IL7: variants seen among roughly 807,000 people sequenced by gnomAD.
IL7 encodes the protein interleukin 7.
Under a neutral mutation model 21.6 loss-of-function variants are expected in IL7, and 3 were observed. That is an observed-to-expected ratio of 0.14 (90% CI 0.06 to 0.36). The LOEUF (loss-of-function observed/expected upper bound fraction) is 0.36. IL7 is among the 10% of genes least tolerant of loss of function. IL7 has a pLI of 1.00. For missense variants in IL7, 175 were observed against 200.2 expected (o/e 0.87, Z 0.76); for synonymous variants, 62 against 68.1 (o/e 0.91, Z 0.44).
intron 3 of IL7, chr8:78,689,245 C>A (rs779257641): frequency 1.3e-6 from 2 of 1,585,884 alleles, no homozygotes; most frequent in Admixed American, 3.5e-5. Context: ...TCCATATTGT[C>A]AGAGGAGATT....
chr8:78,777,755 G>A lies in IL7; in HGVS notation c.147+20317C>T, dbSNP rs7008761. 7.1e-3 allele frequency among the ~76,000 whole-genome samples: 1,082 copies of A among 152,114 alleles called. 13 individuals are homozygous for A. Among genetic ancestry groups the A allele is most frequent in the African/African-American group, 0.025 (1,023 of 41,538 alleles). On this transcript the variant is annotated intron_variant, in intron 2 of 5. Coordinates refer to ENST00000263851, the MANE Select transcript of IL7 (RefSeq NM_000880.4). ...TGCCATACTCAACAGTGCCAACTACGAATGCTGAAATAACCTATCTTTCTG... is the reference window on the plus strand; with the variant it reads ...TGCCATACTCAACAGTGCCAACTACAAATGCTGAAATAACCTATCTTTCTG...
chr8:78,675,343 A>T (rs1464534555), downstream of IL7, among the ~76,000 whole-genome samples: 1 of 151,994 alleles, frequency 6.6e-6, no homozygotes, highest in African/African-American at 2.4e-5. Context: ...TAAACAGAGT[A>T]AGATTCGTTT....
downstream of IL7, among the ~76,000 whole-genome samples, chr8:78,730,265 A>G (rs1811401360): frequency 6.6e-6 from 1 of 152,016 alleles, no homozygotes; most frequent in Non-Finnish European, 1.5e-5. Flanking sequence ...TATTCCCAAT[A>G]CAAAACGATG....
chr8:78,745,975 C>G (rs1811964949), intron 2 of IL7, among the ~76,000 whole-genome samples: 1 of 152,122 alleles, frequency 6.6e-6, no homozygotes, highest in Non-Finnish European at 1.5e-5. Context: ...TCCTGCTTTT[C>G]TCTTAGAAGG....
intron 2 of IL7, among the ~76,000 whole-genome samples, chr8:78,751,289 G>A (rs1454484874): frequency 1.3e-5 from 2 of 152,084 alleles, no homozygotes; most frequent in Non-Finnish European, 2.9e-5. Context: ...GCAAAGATAA[G>A]AATTACATCC....
At chr8:78,704,276 T>C (rs1257103357) in intron 3 of IL7, among the ~76,000 whole-genome samples, 1 of 150,674 alleles carries the variant, frequency 6.6e-6, no homozygotes, top group Admixed American at 6.6e-5. Context: ...TAGTCCCAGC[T>C]ACTTGGGAGG....
chr8:78,800,710 C>A (rs951917746), intron 1 of IL7, among the ~76,000 whole-genome samples: 2 of 152,152 alleles, frequency 1.3e-5, no homozygotes, highest in Non-Finnish European at 2.9e-5. Flanking sequence ...TGTATGAAAT[C>A]ATACTTTTTA....
chr8:78,700,560 T>C lies in IL7; in HGVS notation n.215-14613A>G, dbSNP rs377428746. Among the ~76,000 whole-genome samples the C allele has an allele frequency of 6.6e-5, 10 of 152,330 alleles. No individual in the cohort carries two copies. The South Asian group carries it at 2.1e-3, about 32-fold the overall frequency. Reference sequence around the variant, plus strand: ...TTTTGTTGCAATTGCTTTTGGCATCTTCATTATAAAATCTTTGCTGCTGCC... The same window carrying C: ...TTTTGTTGCAATTGCTTTTGGCATCCTCATTATAAAATCTTTGCTGCTGCC... On this transcript the variant is annotated intron_variant and non_coding_transcript_variant, in intron 3 of 4. Transcript: ENST00000523959.
downstream of IL7, among the ~76,000 whole-genome samples, chr8:78,715,798 G>A (rs968161507): frequency 6.6e-6 from 1 of 152,102 alleles, no homozygotes; most frequent in Non-Finnish European, 1.5e-5. Context: ...CCAGCACTTT[G>A]AGAGGCTGAG....
At chr8:78,704,319 C>G (rs1008713834) in intron 3 of IL7, among the ~76,000 whole-genome samples, 1 of 145,046 alleles carries the variant, frequency 6.9e-6, no homozygotes, top group Non-Finnish European at 1.5e-5. Context: ...ACCCAGGAGG[C>G]AGAGGTTGCA....
chr8:78,799,102 T>C (rs1223637679), intron 1 of IL7, among the ~76,000 whole-genome samples: 2 of 152,158 alleles, frequency 1.3e-5, no homozygotes, highest in African/African-American at 2.4e-5. Context: ...CCTGCCATAG[T>C]GTCTTATTTG....
chr8:78,692,068 A>G (rs1370743782), intron 3 of IL7, among the ~76,000 whole-genome samples: 1 of 152,148 alleles, frequency 6.6e-6, no homozygotes, highest in Non-Finnish European at 1.5e-5. Flanking sequence ...TCTCTTTGCA[A>G]TTTTGAAAGG....
At position 78,679,135 on chromosome 8, in the gene IL7, G is replaced by A. The variant is rs775140685; in HGVS notation, n.274-3031C>T. The A allele has an allele frequency of 3.3e-5, 5 of 152,246 alleles. 1 individual carries two copies. Among genetic ancestry groups the A allele is most frequent in the Admixed American group, 3.3e-4 (5 of 15,274 alleles). The allele number at this position is 152,246 out of a possible 1,614,324, so 9.4% of individuals were successfully genotyped here. A position where few individuals can be genotyped will look rare whatever the true frequency, so the allele number is the denominator to read the frequency against. ...CTTATTTTGACATATTGACTGCCAG[G>A]ATTTGTAATCTATATTATGTTTCTA... On this transcript the variant is annotated intron_variant and non_coding_transcript_variant, in intron 4 of 4. Transcript: ENST00000523959.
downstream of IL7, chr8:78,732,731 T>C (rs981379460): frequency 6.6e-6 from 1 of 152,176 alleles, no homozygotes; most frequent in Non-Finnish European, 1.5e-5. Flanking sequence ...AAATCTCATC[T>C]TAAAAATTCT....
intron 2 of IL7, chr8:78,762,164 A>G: frequency 1.3e-6 from 2 of 1,594,520 alleles, no homozygotes; most frequent in South Asian, 2.2e-5. Flanking sequence ...ATGACTGTTA[A>G]GATCAAATAT....
chr8:78,726,443 A>T lies in IL7; in HGVS notation n.268-5003T>A, dbSNP rs72661346. The stretch of plus-strand genomic sequence containing the variant: ...ATGTAACCAGCCAGCCAGATTATGT[A>T]TGCTTTAGAGGCCATTCATATGACT... On this transcript the variant is annotated intron_variant and non_coding_transcript_variant, in intron 3 of 6. Transcript: ENST00000519833. 5.8e-3 allele frequency among the ~76,000 whole-genome samples: 885 copies of T among 152,124 alleles called. 4 individuals are homozygous for T. Among genetic ancestry groups the T allele is most frequent in the Non-Finnish European group, 8.9e-3 (604 of 67,958 alleles).
At chr8:78,786,501 T>C (rs1316564881) in intron 2 of IL7, among the ~76,000 whole-genome samples, 2 of 152,206 alleles carry the variant, frequency 1.3e-5, no homozygotes, top group Non-Finnish European at 2.9e-5. Flanking sequence ...TACTGTGCTA[T>C]ACCTTTATAT....
intron 2 of IL7, among the ~76,000 whole-genome samples, chr8:78,770,019 G>C (rs894389029): frequency 6.6e-6 from 1 of 152,002 alleles, no homozygotes; most frequent in African/African-American, 2.4e-5. Context: ...CCTTACACCT[G>C]ATACAAAAAA....
At chr8:78,721,675 T>C (rs1811241368) in intron 3 of IL7, among the ~76,000 whole-genome samples, 1 of 151,940 alleles carries the variant, frequency 6.6e-6, no homozygotes, top group South Asian at 2.1e-4. Context: ...ATTATAAAAC[T>C]TAAAACCTGT....
Sources: gnomAD v4.1 joint callset for allele counts (sites outside exome capture counted in the v4.1 genomes callset) on GRCh38, gnomAD v4.1.1 for gene constraint, MANE v1.5 for transcripts, NCBI Gene and HGNC (gene_info 2026-07-23, HGNC 2026-07-21) for gene names.